The following IRAK1BP1 variants were observed in gnomAD, a reference collection of about 807,000 sequenced individuals.
IRAK1BP1 encodes interleukin 1 receptor associated kinase 1 binding protein 1.
A neutral mutation model predicts 28.0 loss-of-function variants in IRAK1BP1; 24 were observed. The ratio of observed to expected loss-of-function variants is 0.86; its 90% CI spans 0.62 to 1.20. IRAK1BP1 has a LOEUF of 1.20. Among genes scored for constraint, IRAK1BP1 ranks in the 50% most tolerant of loss-of-function variants. The pLI, the probability that IRAK1BP1 is intolerant of heterozygous loss-of-function variation, is 0.00. For synonymous variants in IRAK1BP1, 131 were observed against 116.3 expected (o/e 1.13, Z -0.81); for missense variants, 336 against 316.7 (o/e 1.06, Z -0.46).
chr6:78,926,020 AGTAG>A, intron 4 of IRAK1BP1, among the ~76,000 whole-genome samples: 1 of 152,140 alleles, frequency 6.6e-6, no homozygotes, highest in Admixed American at 6.6e-5. Context: ...AATAATAGAC[AGTAG>A]GACCTACTGA....
chr6:78,959,511 C>A, the IRAK1BP1 span, among the ~76,000 whole-genome samples: 3 of 152,006 alleles, frequency 2.0e-5, no homozygotes, highest in Non-Finnish European at 4.4e-5. Flanking sequence ...AGAGATTGAA[C>A]TAGAAGTTTC....
intron 4 of IRAK1BP1, among the ~76,000 whole-genome samples, chr6:78,942,507 A>C (rs1280503909): frequency 6.6e-6 from 1 of 151,998 alleles, no homozygotes; most frequent in African/African-American, 2.4e-5. Context: ...AACAAAACAA[A>C]ACAACATGGT....
chr6:78,923,312 CAA>C (rs1772793760), intron 4 of IRAK1BP1, among the ~76,000 whole-genome samples: 1 of 151,446 alleles, frequency 6.6e-6, no homozygotes, highest in South Asian at 2.1e-4. Flanking sequence ...AACAAAGATC[CAA>C]AGAGACAAGG....
intron 1 of IRAK1BP1, among the ~76,000 whole-genome samples, chr6:78,873,572 G>A (rs904437470): frequency 2.0e-5 from 3 of 151,908 alleles, no homozygotes; most frequent in African/African-American, 7.3e-5. Flanking sequence ...TAAAACTCCG[G>A]GGCTCAAGCT....
the IRAK1BP1 span, chr6:78,965,615 G>A: frequency 3.5e-5 from 26 of 749,102 alleles, no homozygotes; most frequent in African/African-American, 3.9e-4. Context: ...ACTCACAACT[G>A]TAAGTGGTAG....
At chr6:78,970,728 C>A in the IRAK1BP1 span, 1 of 1,183,916 alleles carries the variant, frequency 8.4e-7, no homozygotes, top group South Asian at 1.4e-5. Flanking sequence ...CAATTTTCTC[C>A]AAATTCCATA....
At chr6:78,947,506 T>C (rs989696160), downstream of IRAK1BP1, 2 of 577,166 alleles carry the variant, frequency 3.5e-6, no homozygotes, top group African/African-American at 1.9e-5. Context: ...TAGGACAACA[T>C]TAAGAATGTA....
chr6:78,923,821 G>A (rs191462083), intron 4 of IRAK1BP1, among the ~76,000 whole-genome samples: 1 of 152,222 alleles, frequency 6.6e-6, no homozygotes, highest in East Asian at 1.9e-4. Context: ...AGTGACTACT[G>A]GGTACATAAC....
At chr6:78,915,825 C>G (rs1215605092) in intron 4 of IRAK1BP1, among the ~76,000 whole-genome samples, 2 of 152,160 alleles carry the variant, frequency 1.3e-5, no homozygotes, top group African/African-American at 4.8e-5. Flanking sequence ...TCTATCTTGG[C>G]ATCTGCTTTT....
chr6:78,882,893 G>C (rs751549154), intron 1 of IRAK1BP1, among the ~76,000 whole-genome samples: 8 of 152,188 alleles, frequency 5.3e-5, no homozygotes, highest in Non-Finnish European at 8.8e-5. Context: ...AAGTGAGGTA[G>C]ATGGGACCTC....
At position 78,867,645 on chromosome 6, in the gene IRAK1BP1, G is replaced by T; in HGVS notation, c.69G>T (p.Arg23=). The stretch of plus-strand genomic sequence containing the variant: ...TGGTTCCCTGGGCTGACCGGAGCCG[G>T]GAGAACAACCTGGCCTCAGGGAGAG... ...VELVPWADRS[R]ENNLASGRET... Residue 23 remains arginine (R), a synonymous_variant, in exon 1 of 4, where the codon CGG becomes CGT. Transcript: ENST00000369940. 1 of 1,614,220 alleles carries T rather than the reference G, an allele frequency of 6.2e-7. No individual in the cohort carries two copies. The highest frequency in any genetic ancestry group is 8.5e-7 in the Non-Finnish European group (1 of 1,180,042).
intron 4 of IRAK1BP1, among the ~76,000 whole-genome samples, chr6:78,920,063 G>A (rs1459455117): frequency 6.6e-6 from 1 of 152,090 alleles, no homozygotes; most frequent in African/African-American, 2.4e-5. Flanking sequence ...AGACCATCCT[G>A]GCCAACATGG....
intron 1 of IRAK1BP1, chr6:78,871,884 A>G (rs1183658711): frequency 5.7e-6 from 3 of 521,976 alleles, no homozygotes; most frequent in African/African-American, 3.9e-5. Flanking sequence ...GGCACTTCAC[A>G]TTTGTGTGCA....
chr6:78,965,865 G>A, the IRAK1BP1 span: 1 of 1,192,256 alleles, frequency 8.4e-7, no homozygotes, highest in Non-Finnish European at 1.2e-6. Context: ...TTTAAAAGAA[G>A]TCTCTTTATC....
Position 78,902,666 on chromosome 6 carries a change from G to A in IRAK1BP1, c.*4332G>A, listed in dbSNP as rs934960335. The stretch of plus-strand genomic sequence containing the variant: ...TGTGACTGTAATCTCAGCTACCGGG[G>A]AGGCTGAAGCAGAAGAAACGCTCGA... On this transcript the variant is annotated 3_prime_UTR_variant, in exon 4 of 4. Coordinates refer to ENST00000369940, the MANE Select transcript of IRAK1BP1 (RefSeq NM_001010844.4). 1 of 215,212 alleles carries A rather than the reference G, an allele frequency of 4.6e-6. No homozygotes were observed. Among genetic ancestry groups the A allele is most frequent in the African/African-American group, 2.3e-5 (1 of 43,988 alleles). 13.3% of individuals were successfully genotyped at this position (215,212 alleles called of 1,614,324 possible). A position where few individuals can be genotyped will look rare whatever the true frequency, so the allele number is the denominator to read the frequency against.
rs1772067088 is a variant in IRAK1BP1, at chr6:78,900,763, G to C, written c.*2429G>C. 2 of 152,174 alleles carry C rather than the reference G, an allele frequency of 1.3e-5. No individual in the cohort carries two copies. Among genetic ancestry groups the C allele is most frequent in the Non-Finnish European group, 2.9e-5 (2 of 68,024 alleles). 9.4% of individuals were successfully genotyped at this position (152,174 alleles called of 1,614,324 possible). ...GAGACTAATAGTACTTAACCTTGCA[G>C]TGTTATTATAAGGATTAAAGTTGAT... On this transcript the variant is annotated 3_prime_UTR_variant, in exon 4 of 4. Coordinates refer to ENST00000369940, the MANE Select transcript of IRAK1BP1 (RefSeq NM_001010844.4).
chr6:78,967,900 T>C, the IRAK1BP1 span, among the ~76,000 whole-genome samples: 3 of 152,116 alleles, frequency 2.0e-5, no homozygotes, highest in South Asian at 6.2e-4. Flanking sequence ...TTTGGGAGGC[T>C]GAGGCGGGCG....
intron 4 of IRAK1BP1, among the ~76,000 whole-genome samples, chr6:78,908,278 CCTA>C (rs1473740086): frequency 6.6e-6 from 1 of 152,016 alleles, no homozygotes; most frequent in African/African-American, 2.4e-5. Flanking sequence ...GTCTTGAACT[CCTA>C]ACCTCGTGAT....
chr6:78,974,052 C>T, the IRAK1BP1 span, among the ~76,000 whole-genome samples: 2 of 152,286 alleles, frequency 1.3e-5, no homozygotes, highest in East Asian at 3.9e-4. Flanking sequence ...GAACTCTCCA[C>T]CTCAAATCAA....
Sources: gnomAD v4.1 joint callset for allele counts (sites outside exome capture counted in the v4.1 genomes callset) on GRCh38, gnomAD v4.1.1 for gene constraint, MANE v1.5 for transcripts, NCBI Gene and HGNC (gene_info 2026-07-23, HGNC 2026-07-21) for gene names.